ADGRV1: variants seen among roughly 807,000 people sequenced by gnomAD.
ADGRV1 encodes the protein G-protein coupled receptor 98.
Under a neutral mutation model 596.2 loss-of-function variants are expected in ADGRV1, and 359 were observed. The observed-to-expected ratio is 0.60, with a 90% CI of 0.55 to 0.66. The LOEUF (loss-of-function observed/expected upper bound fraction) is 0.66, where lower values mean the gene tolerates loss of function less well. Among genes scored for constraint, ADGRV1 ranks in the 30% least tolerant of loss-of-function variants. The probability of loss-of-function intolerance (pLI) is 0.00; values close to 1 mark genes in which losing one functional copy is unlikely to be tolerated. For synonymous variants in ADGRV1, 2,681 were observed against 2,679.2 expected (o/e 1.00, Z -0.02); for missense variants, 7,274 against 7,575.6 (o/e 0.96, Z 1.48).
intron 73 of ADGRV1, among the ~76,000 whole-genome samples, chr5:90,808,912 AAGT>A (rs1295727642): frequency 1.3e-5 from 2 of 151,618 alleles, no homozygotes; most frequent in Non-Finnish European, 2.9e-5. Flanking sequence ...AAACAACAAG[AAGT>A]AGTATTATAG....
At chr5:90,980,482 A>G (rs954303210) in intron 84 of ADGRV1, among the ~76,000 whole-genome samples, 1 of 152,214 alleles carries the variant, frequency 6.6e-6, no homozygotes, top group Non-Finnish European at 1.5e-5. Context: ...TTTGGGCATA[A>G]TAACATTTCG....
chr5:90,987,130 TATA>T (rs1368686966), intron 85 of ADGRV1, among the ~76,000 whole-genome samples: 2 of 152,284 alleles, frequency 1.3e-5, no homozygotes, highest in Admixed American at 6.5e-5. Context: ...CCAACTAAAT[TATA>T]ATAAGTGAAA....
intron 42 of ADGRV1, among the ~76,000 whole-genome samples, chr5:90,716,010 T>C (rs1750061385): frequency 6.6e-6 from 1 of 152,178 alleles, no homozygotes; most frequent in African/African-American, 2.4e-5. Flanking sequence ...AGTTCTAATA[T>C]TTTCTCTTAC....
chr5:90,774,729 C>T (rs991974613), intron 60 of ADGRV1, among the ~76,000 whole-genome samples: 6 of 152,044 alleles, frequency 3.9e-5, no homozygotes, highest in African/African-American at 1.4e-4. Flanking sequence ...ATAATTGTCA[C>T]GTTAAGAAAA....
chr5:90,756,960 T>TTA lies in ADGRV1; in HGVS notation c.11758-15_11758-14dup. Reference sequence around the variant, plus strand: ...GTTACCATTTTATCTTGCCTTTCAATTATATTCTTTACTTAAAGGGCGCTG... The same window carrying TTA: ...GTTACCATTTTATCTTGCCTTTCAATTATATATTCTTTACTTAAAGGGCGCTG... On this transcript the variant is annotated intron_variant, in intron 56 of 89. Coordinates refer to ENST00000405460, the MANE Select transcript of ADGRV1 (RefSeq NM_032119.4). The TTA allele has an allele frequency of 6.5e-7, 1 of 1,547,818 alleles. No homozygotes were observed. The highest frequency in any genetic ancestry group is 8.7e-7 in the Non-Finnish European group (1 of 1,145,566).
At chr5:90,928,859 C>A (rs1157142676) in intron 83 of ADGRV1, among the ~76,000 whole-genome samples, 1 of 148,506 alleles carries the variant, frequency 6.7e-6, no homozygotes, top group Non-Finnish European at 1.5e-5. Flanking sequence ...CAGACAGGAC[C>A]CTCAGCTGCA....
At chr5:90,658,549 G>GT (rs1278324421) in intron 21 of ADGRV1, among the ~76,000 whole-genome samples, 4 of 152,130 alleles carry the variant, frequency 2.6e-5, no homozygotes, top group Admixed American at 6.5e-5. Flanking sequence ...TTCAAAGAAC[G>GT]TATGTGTATA....
At chr5:90,909,765 A>T (rs902271342) in intron 83 of ADGRV1, among the ~76,000 whole-genome samples, 3 of 152,180 alleles carry the variant, frequency 2.0e-5, no homozygotes, top group Admixed American at 6.5e-5. Flanking sequence ...AGGCAAGATG[A>T]TCCATGGGGT....
At chr5:90,618,356 A>T (rs1763630810) in intron 3 of ADGRV1, among the ~76,000 whole-genome samples, 1 of 152,210 alleles carries the variant, frequency 6.6e-6, no homozygotes, top group Non-Finnish European at 1.5e-5. Flanking sequence ...TTAAATTCAG[A>T]GTACCGCTGG....
chr5:91,157,453 C>CT (rs997017692), intron 89 of ADGRV1, among the ~76,000 whole-genome samples: 2 of 151,772 alleles, frequency 1.3e-5, no homozygotes, highest in Admixed American at 6.6e-5. Context: ...TGTGAACAGG[C>CT]TTTTTTTTAT....
At chr5:90,876,814 C>A (rs780928744) in intron 83 of ADGRV1, among the ~76,000 whole-genome samples, 7 of 152,150 alleles carry the variant, frequency 4.6e-5, no homozygotes, top group Non-Finnish European at 1.0e-4. Flanking sequence ...AAATTTATCT[C>A]ATGTTTGCAG....
chr5:90,919,631 G>A (rs531738462), intron 83 of ADGRV1, among the ~76,000 whole-genome samples: 9 of 152,206 alleles, frequency 5.9e-5, no homozygotes, highest in South Asian at 2.1e-4. Context: ...TTTGAGTGTC[G>A]TTTCATTAAT....
chr5:90,854,018 C>G (rs764124324), intron 80 of ADGRV1, 44 bp from the exon 81 acceptor site: 13 of 1,420,404 alleles, frequency 9.2e-6, no homozygotes, highest in Non-Finnish European at 1.3e-5. Context: ...AGTCATTACA[C>G]CAATTGTAAA....
intron 86 of ADGRV1, among the ~76,000 whole-genome samples, chr5:91,078,908 G>A (rs912357023): frequency 6.6e-6 from 1 of 152,160 alleles, no homozygotes; most frequent in South Asian, 2.1e-4. Context: ...AAACATTCTG[G>A]TGTTTCAATA....
chr5:90,753,500 T>A lies in ADGRV1; in HGVS notation c.11122-74T>A. On this transcript the variant is annotated intron_variant, in intron 53 of 89. Coordinates refer to ENST00000405460, the MANE Select transcript of ADGRV1 (RefSeq NM_032119.4). ...AAGTTATAGGTTTAATAAAAGAAAA[T>A]CAATTTTTAAAATATTCTTACTACA... is the stretch of plus-strand genomic sequence containing the variant. 8.9e-6 allele frequency: 10 copies of A among 1,118,750 alleles called. 1 individual carries two copies. In the South Asian group the frequency reaches 1.6e-4, roughly 18 times the overall value. 69.3% of individuals were successfully genotyped at this position (1,118,750 alleles called of 1,614,324 possible).
intron 70 of ADGRV1, among the ~76,000 whole-genome samples, chr5:90,797,535 T>C (rs182459237): frequency 9.1e-4 from 139 of 152,198 alleles, no homozygotes; most frequent in Non-Finnish European, 1.7e-3. Context: ...ATGAGAGACT[T>C]TAACACCCCA....
chr5:91,058,641 G>A (rs7735392), intron 85 of ADGRV1, among the ~76,000 whole-genome samples: 2,438 of 152,150 alleles, frequency 0.016, 72 homozygotes, highest in African/African-American at 0.055. Context: ...TGGTGTGATG[G>A]TGTCATGTTG....
At chr5:90,985,070 G>A (rs1205235345) in intron 84 of ADGRV1, among the ~76,000 whole-genome samples, 1 of 152,172 alleles carries the variant, frequency 6.6e-6, no homozygotes, top group African/African-American at 2.4e-5. Context: ...TTGTAACTGA[G>A]AGTAAATCAG....
chr5:90,998,446 C>T (rs960819680), intron 85 of ADGRV1, among the ~76,000 whole-genome samples: 6 of 151,898 alleles, frequency 4.0e-5, no homozygotes, highest in South Asian at 2.1e-4. Context: ...TACCCTGTAT[C>T]GGTATGTAAT....
Sources: allele counts gnomAD v4.1 joint callset (sites outside exome capture counted in the v4.1 genomes callset), GRCh38; gene constraint gnomAD v4.1.1; transcripts MANE v1.5; gene names NCBI Gene and HGNC (gene_info 2026-07-23, HGNC 2026-07-21).